Variants in HMCN2 observed in about 807,000 individuals in gnomAD.
HMCN2 encodes the protein hemicentin-2.
In HMCN2, 325 loss-of-function variants were observed where a neutral mutation model predicts 377.5. The observed-to-expected ratio is 0.86, with a 90% CI of 0.79 to 0.94. HMCN2 has a LOEUF of 0.94. Among genes scored for constraint, HMCN2 ranks in the 40% least tolerant of loss-of-function variants. HMCN2 has a pLI of 0.00. For missense variants in HMCN2, 4,543 were observed against 4,725.3 expected (o/e 0.96, Z 1.13); for synonymous variants, 2,007 against 2,046.8 (o/e 0.98, Z 0.53).
In HMCN2 at chr9:130,360,703, A is replaced by G. The variant is rs899536332; in HGVS notation, c.5950+99A>G. On this transcript the variant is annotated intron_variant, in intron 38 of 97. Transcript: ENST00000683500. This position sits in a 1 kb window ranked among gnomAD's most constrained non-coding sequence, Gnocchi z 4.7. The stretch of plus-strand genomic sequence containing the variant: ...CATCCACCTGTCCACTCATCCATCC[A>G]TCTACCACCCCATCCATCCGTTACC... 5.0e-5 allele frequency: 30 copies of G among 598,802 alleles called. No homozygotes were observed. The highest frequency in any genetic ancestry group is 7.3e-5 in the Non-Finnish European group (29 of 396,986). 37.1% of individuals were successfully genotyped at this position (598,802 alleles called of 1,614,324 possible).
In HMCN2 at chr9:130,393,908, G is replaced by A. The variant is rs997770626; in HGVS notation, c.10401G>A (p.Leu3467=). 1 of 1,289,544 alleles carries A rather than the reference G, an allele frequency of 7.8e-7. No homozygotes were observed. The allele number at this position is 1,289,544 out of a possible 1,614,324, so 79.9% of individuals were successfully genotyped here. ...LSQSLEQGPS[L]QLEAVGAGDS... is the part of the protein sequence containing the mutation. ...AGAGCCTCGAGCAGGGGCCCAGCCTGCAGCTGGAGGCAGTGGGAGCTGGTG... is the reference window on the plus strand; with the variant it reads ...AGAGCCTCGAGCAGGGGCCCAGCCTACAGCTGGAGGCAGTGGGAGCTGGTG... The change falls in exon 68 of 98, where the codon CTG becomes CTA. Residue 3467 remains leucine (L), a synonymous_variant. Transcript: ENST00000683500. This position sits in a 1 kb window ranked among gnomAD's most constrained non-coding sequence, Gnocchi z 5.2.
At position 130,394,544 on chromosome 9, in the gene HMCN2, C is replaced by T. The variant is rs146528037; in HGVS notation, c.10661C>T (p.Ala3554Val). 1 of 1,289,224 alleles carries T rather than the reference C, an allele frequency of 7.8e-7. No individual in the cohort carries two copies. Among genetic ancestry groups the T allele is most frequent in the African/African-American group, 1.5e-5 (1 of 65,986 alleles). The allele number at this position is 1,289,224 out of a possible 1,614,324, so 79.9% of individuals were successfully genotyped here. A position where few individuals can be genotyped will look rare whatever the true frequency, so the allele number is the denominator to read the frequency against. The change falls in exon 69 of 98, where the codon GCC (alanine) becomes GTC (valine). Residue 3554 changes from alanine to valine, a missense_variant. Physicochemically the swap from Ala to Val is moderately conservative, Grantham distance 64 (BLOSUM62 0). Around this residue, in one of 5 missense-constraint regions of HMCN2, gnomAD observed 1,073 missense variants for 1,319.5 expected, o/e 0.81. Transcript: ENST00000683500. This position sits in a 1 kb window ranked among gnomAD's most constrained non-coding sequence, Gnocchi z 5.1. ...ALTRLENNSR[A>V]TRVLRVENVQ... ...ACCAGGCTGGAGAACAACAGCAGAG[C>T]CACACGGGTGCTCCGGGTGGAGAAT...
intron 79 of HMCN2, 97 bp from the exon 80 acceptor site, chr9:130,403,644 T>C (rs1842958278): frequency 8.5e-7 from 1 of 1,177,320 alleles, no homozygotes; most frequent in African/African-American, 1.6e-5. Flanking sequence ...CCCCAGCAAG[T>C]CATTTGCTGC....
At chr9:130,314,872 C>A (rs2131379093) in intron 15 of HMCN2, among the ~76,000 whole-genome samples, 1 of 152,154 alleles carries the variant, frequency 6.6e-6, no homozygotes, top group East Asian at 1.9e-4. Context: ...AAACTGAGGC[C>A]CAGAGTGAGG....
chr9:130,424,868 A>G lies in HMCN2; in HGVS notation c.13474A>G (p.Thr4492Ala). 6.8e-7 allele frequency: 1 copy of G among 1,467,190 alleles called. No individual in the cohort carries two copies. 90.9% of individuals were successfully genotyped at this position (1,467,190 alleles called of 1,614,324 possible). ...SGEALNGHSLTGGRFRQESHV... is the reference protein window; with the variant it reads ...SGEALNGHSLAGGRFRQESHV... ...GGAAGCCCTGAATGGCCACTCTCTGACTGGGGGCAGGTTCCGGCAGGAGTC... is the reference window on the plus strand; with the variant it reads ...GGAAGCCCTGAATGGCCACTCTCTGGCTGGGGGCAGGTTCCGGCAGGAGTC... Residue 4492 changes from threonine (T) to alanine (A), a missense_variant, in exon 88 of 98, where the codon ACT becomes GCT. By Grantham distance (58) the Thr-to-Ala change is moderately conservative. Transcript: ENST00000683500.
chr9:130,415,677 C>T (rs1843645481), intron 85 of HMCN2, among the ~76,000 whole-genome samples: 1 of 152,228 alleles, frequency 6.6e-6, no homozygotes, highest in South Asian at 2.1e-4. Flanking sequence ...AAGTTGGCCT[C>T]GGTTTACTGT....
At chr9:130,366,986 A>T (rs1840725480) in intron 43 of HMCN2, among the ~76,000 whole-genome samples, 1 of 152,204 alleles carries the variant, frequency 6.6e-6, no homozygotes, top group Non-Finnish European at 1.5e-5. Flanking sequence ...TTGGGTGGCC[A>T]GGAATGCTCG....
chr9:130,394,949 G>C lies in HMCN2; in HGVS notation c.10693-78G>C. The C allele has an allele frequency of 1.0e-6, 1 of 961,128 alleles. No homozygotes were observed. Among genetic ancestry groups the C allele is most frequent in the South Asian group, 1.5e-5 (1 of 66,962 alleles). The allele number at this position is 961,128 out of a possible 1,614,324, so 59.5% of individuals were successfully genotyped here. A position where few individuals can be genotyped will look rare whatever the true frequency, so the allele number is the denominator to read the frequency against. ...GCTGAGTTTGAATCCTGGGTCCCTCGATGCATGAGAAAGAAACCAGATTGG... is the reference window on the plus strand; with the variant it reads ...GCTGAGTTTGAATCCTGGGTCCCTCCATGCATGAGAAAGAAACCAGATTGG... On this transcript the variant is annotated intron_variant, in intron 69 of 97. Coordinates refer to ENST00000683500, the MANE Select transcript of HMCN2 (RefSeq NM_001291815.2). This position sits in a 1 kb window ranked among gnomAD's most constrained non-coding sequence, Gnocchi z 5.1.
rs1554935802 is a variant in HMCN2, at chr9:130,304,454, T to C, written c.1544-276T>C. Among the ~76,000 whole-genome samples the C allele has an allele frequency of 1.3e-5, 2 of 152,214 alleles. No individual in the cohort carries two copies. The highest frequency in any genetic ancestry group is 4.1e-4 in the South Asian group (2 of 4,838). On this transcript the variant is annotated intron_variant, in intron 10 of 97. Coordinates refer to ENST00000683500, the MANE Select transcript of HMCN2 (RefSeq NM_001291815.2). This position sits in a 1 kb window ranked among gnomAD's most constrained non-coding sequence, Gnocchi z 4.3. ...GGCATGAAGATGGGTGTCCGGCTTG[T>C]TGCACATTGCACTGGCTGTATTTTG...
rs2131836253 is a variant in HMCN2 at position 130,430,462 on chromosome 9, G to T, written c.14505G>T (p.Leu4835Phe). The T allele has an allele frequency of 1.3e-6, 2 of 1,550,608 alleles. No individual in the cohort carries two copies. Among genetic ancestry groups the T allele is most frequent in the African/African-American group, 1.4e-5 (1 of 73,188 alleles). The change falls in exon 95 of 98, where the codon TTG (leucine) becomes TTT (phenylalanine). Residue 4835 changes from leucine to phenylalanine, a missense_variant. Leu to Phe is a conservative substitution (Grantham distance 22). Transcript: ENST00000683500. ...CCGTCAGCCACCGAGGCCCTCTATT[G>T]CCCTGGCTGCGGCCCTGGGCCTCGA... Reference protein sequence around the residue: ...VTTVSHRGPLLPWLRPWASIP... With the variant: ...VTTVSHRGPLFPWLRPWASIP...
rs543084802 is a variant in HMCN2 at position 130,396,251 on chromosome 9, C to T, written c.11136C>T (p.Gly3712=). Residue 3712 remains glycine (G), a synonymous_variant, in exon 73 of 98, where the codon GGC becomes GGT. Coordinates refer to ENST00000683500, the MANE Select transcript of HMCN2 (RefSeq NM_001291815.2). ...CCCTGCTGCCTTGCCAGGCCGACGGCGTGCCCGCACCCCTCGTGAGCTGGC... is the reference window on the plus strand; with the variant it reads ...CCCTGCTGCCTTGCCAGGCCGACGGTGTGCCCGCACCCCTCGTGAGCTGGC... ...QTALLPCQAD[G]VPAPLVSWRK... 6.4e-4 allele frequency: 826 copies of T among 1,286,758 alleles called. 7 individuals are homozygous for T. The highest frequency in any genetic ancestry group is 1.3e-3 in the Middle Eastern group (6 of 4,684). 79.7% of individuals were successfully genotyped at this position (1,286,758 alleles called of 1,614,324 possible).
intron 44 of HMCN2, among the ~76,000 whole-genome samples, chr9:130,368,725 T>C (rs745948399): frequency 1.3e-5 from 2 of 151,958 alleles, no homozygotes; most frequent in Non-Finnish European, 2.9e-5. Flanking sequence ...AGGCACGCCT[T>C]ACATGTCGGC....
rs185796814 is a variant in HMCN2 at position 130,425,876 on chromosome 9, C to A, written c.13831C>A (p.Pro4611Thr). Residue 4611 changes from proline to threonine, a missense_variant, in exon 90 of 98, where the codon CCA becomes ACA. Pro to Thr is a conservative substitution (Grantham distance 38). Coordinates refer to ENST00000683500, the MANE Select transcript of HMCN2 (RefSeq NM_001291815.2). ...CTCAGCTATCAGCTCGGCCTTTGAT[C>A]CAGAGGCCGAGGCCCTGCGCTTCCA... The part of the protein sequence containing the change: ...RASAISSAFD[P>T]EAEALRFQLA... 4 of 1,550,088 alleles carry A rather than the reference C, an allele frequency of 2.6e-6. No individual in the cohort carries two copies. The highest frequency in any genetic ancestry group is 3.5e-6 in the Non-Finnish European group (4 of 1,146,930).
intron 77 of HMCN2, among the ~76,000 whole-genome samples, chr9:130,402,446 A>C (rs977814864): frequency 6.6e-6 from 1 of 152,214 alleles, no homozygotes; most frequent in African/African-American, 2.4e-5. Context: ...GAATGACAGG[A>C]TGTGGAACTG....
At chr9:130,365,524 T>A in intron 41 of HMCN2, 107 bp from the exon 42 acceptor site, 1 of 434,058 alleles carries the variant, frequency 2.3e-6, no homozygotes, top group Non-Finnish European at 3.1e-6. Context: ...AGTGGGCAGC[T>A]TGGGGGCTCA....
intron 62 of HMCN2, among the ~76,000 whole-genome samples, chr9:130,390,385 A>G (rs112096170): frequency 0.083 from 12,570 of 152,160 alleles, 1,185 homozygotes; most frequent in African/African-American, 0.23. Flanking sequence ...AGCTGCCCTC[A>G]TCTTGATTCC....
At position 130,406,026 on chromosome 9, in the gene HMCN2, C is replaced by T. The variant is rs1293672836; in HGVS notation, c.12411C>T (p.Leu4137=). ...AVGRARRRVH[L]TILVLPVFTT... ...GCCGGGCCCGCCGCCGCGTGCACCT[C>T]ACCATCCTGGTACTGCCTGTGTTCA... The change falls in exon 82 of 98, where the codon CTC becomes CTT. Residue 4137 remains leucine (L), a synonymous_variant. Transcript: ENST00000683500. The T allele has an allele frequency of 1.7e-5, 22 of 1,289,740 alleles. No individual in the cohort carries two copies. The highest frequency in any genetic ancestry group is 1.1e-4 in the Admixed American group (5 of 43,558). 79.9% of individuals were successfully genotyped at this position (1,289,740 alleles called of 1,614,324 possible).
chr9:130,369,466 G>T lies in HMCN2; in HGVS notation c.6788-104G>T, dbSNP rs187909494. ...GAGGTCACGAGGTCACACAGCCAGC[G>T]ATGGCAAGGGGAGAGGGTGTGTCCC... On this transcript the variant is annotated intron_variant, in intron 44 of 97. Transcript: ENST00000683500. This position sits in a 1 kb window ranked among gnomAD's most constrained non-coding sequence, Gnocchi z 4.5. 8 of 611,242 alleles carry T rather than the reference G, an allele frequency of 1.3e-5. No individual in the cohort carries two copies. Among genetic ancestry groups the T allele is most frequent in the South Asian group, 7.2e-5 (1 of 13,938 alleles). 37.9% of individuals were successfully genotyped at this position (611,242 alleles called of 1,614,324 possible).
At position 130,408,863 on chromosome 9, in the gene HMCN2, G is replaced by C. The variant is rs757891033; in HGVS notation, c.12809G>C (p.Gly4270Ala). 7.8e-7 allele frequency: 1 copy of C among 1,289,804 alleles called. No homozygotes were observed. Among genetic ancestry groups the C allele is most frequent in the South Asian group, 1.2e-5 (1 of 81,026 alleles). The allele number at this position is 1,289,804 out of a possible 1,614,324, so 79.9% of individuals were successfully genotyped here. A position where few individuals can be genotyped will look rare whatever the true frequency, so the allele number is the denominator to read the frequency against. The change falls in exon 84 of 98, where the codon GGC becomes GCC. Residue 4270 changes from glycine to alanine, a missense_variant. Around this residue, in one of 5 missense-constraint regions of HMCN2, gnomAD observed 1,155 missense variants for 1,157.7 expected, o/e 1.00. Transcript: ENST00000683500. ...CCGGACATCCACTGGATCAAAGATG[G>C]CCTTCCACTGCGGGGCAGCCACCTC... Reference protein sequence around the residue: ...PVPDIHWIKDGLPLRGSHLRH... With the variant: ...PVPDIHWIKDALPLRGSHLRH...
Sources: gnomAD v4.1 joint callset for allele counts (sites outside exome capture counted in the v4.1 genomes callset) on GRCh38, gnomAD v4.1.1 for gene constraint, gnomAD v4.1.1 regional missense constraint, Gnocchi (gnomAD v3.1) non-coding constraint, MANE v1.5 for transcripts, NCBI Gene and HGNC (gene_info 2026-07-23, HGNC 2026-07-21) for gene names.